Variants in CDH24 observed in about 807,000 individuals in gnomAD.
CDH24 encodes the protein cadherin-24.
CDH24 carries 61 observed loss-of-function variants against 71.2 expected under a neutral mutation model. The ratio of observed to expected loss-of-function variants is 0.86; its 90% CI spans 0.70 to 1.06. The LOEUF (loss-of-function observed/expected upper bound fraction) is 1.06. CDH24 is among the 50% of genes least tolerant of loss of function. The pLI is 0.00. For missense variants in CDH24, 961 were observed against 1,083.7 expected, an observed-to-expected ratio of 0.89 and a Z score of 1.59; for synonymous variants, 440 against 470.2, an observed-to-expected ratio of 0.94 and a Z score of 0.83.
Position 23,048,387 on chromosome 14 carries a change from A to G in CDH24, c.1939T>C (p.Tyr647His), listed in dbSNP as rs1288098979. 6.2e-7 allele frequency: 1 copy of G among 1,612,472 alleles called. No individual in the cohort carries two copies. The highest frequency in any genetic ancestry group is 1.1e-5 in the South Asian group (1 of 91,076). Reference protein sequence around the residue: ...EEDVRENIITYDDEGGGEEDT... With the variant: ...EEDVRENIITHDDEGGGEEDT... The stretch of plus-strand genomic sequence containing the variant: ...TCCTCGCCGCCGCCCTCGTCGTCGT[A>G]GGTGATGATGTTCTCTCGGACGTCC... The change falls in exon 12 of 13, where the codon TAC becomes CAC. Residue 647 changes from tyrosine (Y) to histidine (H), a missense_variant. Tyr to His is a moderately conservative substitution (Grantham distance 83). Coordinates refer to ENST00000487137, the MANE Select transcript of CDH24 (RefSeq NM_144985.4).
chr14:23,049,191 C>A lies in CDH24; in HGVS notation c.1682G>T (p.Trp561Leu). ...PYLVPIELWDWGQPALSSTAT... is the reference protein window; with the variant it reads ...PYLVPIELWDLGQPALSSTAT... ...AGTGCTGCTCAGCGCCGGCTGCCCC[C>A]AGTCCCACAGTTCTATGGGAACCAA... The change falls in exon 11 of 13, where the codon TGG (tryptophan) becomes TTG (leucine). Residue 561 changes from tryptophan (W) to leucine (L), a missense_variant. Around this residue, in one of 2 missense-constraint regions of CDH24, gnomAD observed 671 missense variants for 810.9 expected, o/e 0.83. Transcript: ENST00000487137. 1 of 1,575,408 alleles carries A rather than the reference C, an allele frequency of 6.3e-7. No homozygotes were observed. The highest frequency in any genetic ancestry group is 1.3e-5 in the African/African-American group (1 of 74,274).
At position 23,053,525 on chromosome 14, in the gene CDH24, A is replaced by G. The variant is rs1271460174; in HGVS notation, c.1197T>C (p.Ala399=). Residue 399 remains alanine, a synonymous_variant, in exon 7 of 13, where the codon GCT becomes GCC. Transcript: ENST00000487137. ...PGTLVGQISA[A]DLDSPASPIR... ...TTGGGCTGGCAGGGGAGTCCAGGTC[A>G]GCCGCGGAGATCTGGCCTACCAGGG... The G allele has an allele frequency of 6.3e-7, 1 of 1,590,884 alleles. No individual in the cohort carries two copies. Among genetic ancestry groups the G allele is most frequent in the South Asian group, 1.1e-5 (1 of 89,874 alleles).
rs1188355003 is a variant in CDH24 at position 23,051,019 on chromosome 14, C to T, written c.1364-1076G>A. ...AGGATTTGGCAGGAGAATGAGAAGA[C>T]AGTGACTAGAAACGCACACACACAC... On this transcript the variant is annotated intron_variant, in intron 8 of 12. Transcript: ENST00000487137. This position sits in a 1 kb window ranked among gnomAD's most constrained non-coding sequence, Gnocchi z 4.4. 2.6e-5 allele frequency among the ~76,000 whole-genome samples: 4 copies of T among 151,688 alleles called. No individual in the cohort carries two copies. The highest frequency in any genetic ancestry group is 5.9e-5 in the Non-Finnish European group (4 of 67,986).
At position 23,055,081 on chromosome 14, in the gene CDH24, G is replaced by A. The variant is rs779938459; in HGVS notation, c.474C>T (p.Thr158=). The A allele has an allele frequency of 1.4e-5, 23 of 1,612,058 alleles. No homozygotes were observed. Among genetic ancestry groups the A allele is most frequent in the Admixed American group, 3.3e-5 (2 of 59,978 alleles). Residue 158 remains threonine (T), a synonymous_variant, in exon 3 of 13, where the codon ACC becomes ACT. Transcript: ENST00000487137. This position sits in a 1 kb window ranked among gnomAD's most constrained non-coding sequence, Gnocchi z 4.1. ...CACCGACATTGGACATCTCGGGCAC[G>A]GTGGCATGGTAGGGCCCAAGGGGAA... The part of the protein sequence containing the change: ...PIFPLGPYHA[T]VPEMSNVGTS...
At position 23,051,904 on chromosome 14, in the gene CDH24, A is replaced by T; in HGVS notation, c.1363+569T>A. 1.1e-6 allele frequency: 1 copy of T among 922,356 alleles called. No individual in the cohort carries two copies. Among genetic ancestry groups the T allele is most frequent in the Non-Finnish European group, 1.6e-6 (1 of 609,044 alleles). The allele number at this position is 922,356 out of a possible 1,614,324, so 57.1% of individuals were successfully genotyped here. A position where few individuals can be genotyped will look rare whatever the true frequency, so the allele number is the denominator to read the frequency against. On this transcript the variant is annotated intron_variant, in intron 8 of 12. Coordinates refer to ENST00000487137, the MANE Select transcript of CDH24 (RefSeq NM_144985.4). This position sits in a 1 kb window ranked among gnomAD's most constrained non-coding sequence, Gnocchi z 4.4. ...GGCAGCTGAACCCGCTGCTGGCCTG[A>T]CTGATGGGGGAGACCGCATATGGAG...
At position 23,049,714 on chromosome 14, in the gene CDH24, C is replaced by T. The variant is rs1454178419; in HGVS notation, c.1510G>A (p.Asp504Asn). ...GQLIQVIRAL[D>N]RDEVGNSSHV... ...CTACTGTTGCCAACTTCATCTCTGT[C>T]CAGGGCCCGGATGACCTGAATCAGC... Residue 504 changes from aspartate to asparagine, a missense_variant, in exon 10 of 13, where the codon GAC becomes AAC. By Grantham distance (23) the Asp-to-Asn change is conservative. Transcript: ENST00000487137. 1 of 1,612,242 alleles carries T rather than the reference C, an allele frequency of 6.2e-7. No individual in the cohort carries two copies.
intron 7 of CDH24, 147 bp from the exon 8 acceptor site, chr14:23,052,756 A>C: frequency 1.3e-6 from 1 of 756,342 alleles, no homozygotes; most frequent in Non-Finnish European, 2.2e-6. Flanking sequence ...GTCCCCTTAA[A>C]AGGCATATAT....
chr14:23,049,296 T>C (rs1408279282), intron 10 of CDH24, 21 bp from the exon 11 acceptor site: 1 of 1,557,016 alleles, frequency 6.4e-7, no homozygotes, highest in East Asian at 2.3e-5. Context: ...GGGAAGGTGT[T>C]GAGGTATCTT....
chr14:23,049,180 C>T lies in CDH24; in HGVS notation c.1693G>A (p.Ala565Thr). The T allele has an allele frequency of 1.3e-6, 2 of 1,577,326 alleles. No individual in the cohort carries two copies. Among genetic ancestry groups the T allele is most frequent in the South Asian group, 1.1e-5 (1 of 87,162 alleles). ...PIELWDWGQPALSSTATVTVS... is the reference protein window; with the variant it reads ...PIELWDWGQPTLSSTATVTVS... ...GTCACTGTGGCAGTGCTGCTCAGCG[C>T]CGGCTGCCCCCAGTCCCACAGTTCT... Residue 565 changes from alanine (A) to threonine (T), a missense_variant, in exon 11 of 13, where the codon GCG becomes ACG. Around this residue, in one of 2 missense-constraint regions of CDH24, gnomAD observed 671 missense variants for 810.9 expected, o/e 0.83. Coordinates refer to ENST00000487137, the MANE Select transcript of CDH24 (RefSeq NM_144985.4).
chr14:23,055,436 AG>A lies in CDH24; in HGVS notation c.202-84del. 1.9e-6 allele frequency: 3 copies of A among 1,584,266 alleles called. No individual in the cohort carries two copies. In the South Asian group the frequency reaches 3.4e-5, roughly 18 times the overall value. ...GTCTAGGTTTGGGTAGAGCGTTGGGAGTCCTGAGGGACCAAGGTCATTGCAG... is the reference window on the plus strand; with the variant it reads ...GTCTAGGTTTGGGTAGAGCGTTGGGATCCTGAGGGACCAAGGTCATTGCAG... On this transcript the variant is annotated intron_variant, in intron 2 of 12. Transcript: ENST00000487137. This position sits in a 1 kb window ranked among gnomAD's most constrained non-coding sequence, Gnocchi z 4.1.
rs2047142199 is a variant in CDH24, at chr14:23,057,135, G to A, written c.-125+268C>T. Among the ~76,000 whole-genome samples, 1 of 151,960 alleles carries A rather than the reference G, an allele frequency of 6.6e-6. No individual in the cohort carries two copies. The highest frequency in any genetic ancestry group is 3.4e-3 in the Middle Eastern group (1 of 294). ...CAAAGAGGGAGAGGAGATGGAAAAA[G>A]GACAAGAGGGAGAGGGAAGGGTTGG... On this transcript the variant is annotated intron_variant, in intron 1 of 12. Coordinates refer to ENST00000487137, the MANE Select transcript of CDH24 (RefSeq NM_144985.4). The surrounding 1 kb of genome is among the most constrained non-coding windows in gnomAD (Gnocchi z 5.4).
rs763699965 is a variant in CDH24, at chr14:23,049,622, C to T, written c.1597+5G>A. On this transcript the variant is annotated splice_donor_5th_base_variant and intron_variant, in intron 10 of 12. Transcript: ENST00000487137. ...GTATGGACATGGCTGTAGGAGGCCA[C>T]CTACCTCGGTTGTCCTGGACAGTAA... The T allele has an allele frequency of 1.1e-5, 16 of 1,515,192 alleles. No individual in the cohort carries two copies. The highest frequency in any genetic ancestry group is 1.9e-5 in the Admixed American group (1 of 51,750). The allele number at this position is 1,515,192 out of a possible 1,614,324, so 93.9% of individuals were successfully genotyped here.
intron 9 of CDH24, 36 bp from the exon 10 acceptor site, chr14:23,049,774 G>T: frequency 1.2e-6 from 2 of 1,612,526 alleles, no homozygotes; most frequent in Non-Finnish European, 1.7e-6. Flanking sequence ...GTATGGAGTG[G>T]GCTGCTGGAG....
Position 23,055,743 on chromosome 14 carries a change from C to T in CDH24, c.-10G>A, listed in dbSNP as rs1213027806. On this transcript the variant is annotated 5_prime_UTR_variant, in exon 2 of 13. Transcript: ENST00000487137. This position sits in a 1 kb window ranked among gnomAD's most constrained non-coding sequence, Gnocchi z 4.1. Reference sequence around the variant, plus strand: ...TCACCAGGCCCCACATGTTTGGACTCCAGCCAGGGCTCTGTTCACTGGCCC... The same window carrying T: ...TCACCAGGCCCCACATGTTTGGACTTCAGCCAGGGCTCTGTTCACTGGCCC... 6.4e-7 allele frequency: 1 copy of T among 1,559,766 alleles called. No individual in the cohort carries two copies. Among genetic ancestry groups the T allele is most frequent in the Non-Finnish European group, 8.6e-7 (1 of 1,159,616 alleles).
rs1425114375 is a variant in CDH24, at chr14:23,055,996, C to A, written c.-124-139G>T. 1 of 450,518 alleles carries A rather than the reference C, an allele frequency of 2.2e-6. No individual in the cohort carries two copies. The highest frequency in any genetic ancestry group is 3.6e-5 in the Admixed American group (1 of 27,626). The allele number at this position is 450,518 out of a possible 1,614,324, so 27.9% of individuals were successfully genotyped here. ...CAGACTAAGACAGAGAGCAGAGAGG[C>A]TGATCCTTCCTCCACCCAGGCTCTG... On this transcript the variant is annotated intron_variant, in intron 1 of 12. Coordinates refer to ENST00000487137, the MANE Select transcript of CDH24 (RefSeq NM_144985.4). This position sits in a 1 kb window ranked among gnomAD's most constrained non-coding sequence, Gnocchi z 4.1.
At position 23,048,293 on chromosome 14, in the gene CDH24, G is replaced by A. The variant is rs765984044; in HGVS notation, c.2033C>T (p.Pro678Leu). ...PDGAAPPAPG[P>L]PARRDVLPRA... is the part of the protein sequence containing the mutation. ...GGGCAACACGTCTCGGCGCGCGGGA[G>A]GGCCGGGCGCCGGGGGGGCCGCCCC... Residue 678 changes from proline (P) to leucine (L), a missense_variant, in exon 12 of 13, where the codon CCT becomes CTT. Physicochemically the swap from Pro to Leu is moderately conservative, Grantham distance 98. Coordinates refer to ENST00000487137, the MANE Select transcript of CDH24 (RefSeq NM_144985.4). 35 of 1,592,304 alleles carry A rather than the reference G, an allele frequency of 2.2e-5. No homozygotes were observed. The highest frequency in any genetic ancestry group is 2.9e-5 in the Non-Finnish European group (34 of 1,172,266).
Position 23,053,855 on chromosome 14 carries a change from G to A in CDH24, c.973-106C>T, listed in dbSNP as rs1024879627. ...CCTCCTCACATGCATGCAGTGCTCAGTCCTCATGTGAGGAGAGGTGGCACT... is the reference window on the plus strand; with the variant it reads ...CCTCCTCACATGCATGCAGTGCTCAATCCTCATGTGAGGAGAGGTGGCACT... On this transcript the variant is annotated intron_variant, in intron 6 of 12. Transcript: ENST00000487137. 2.6e-6 allele frequency: 3 copies of A among 1,158,578 alleles called. No homozygotes were observed. The African/African-American group carries it at 4.6e-5, about 18-fold the overall frequency. 71.8% of individuals were successfully genotyped at this position (1,158,578 alleles called of 1,614,324 possible).
chr14:23,055,757 G>C lies in CDH24; in HGVS notation c.-24C>G, dbSNP rs563216073. 1.2e-5 allele frequency: 19 copies of C among 1,534,272 alleles called. No individual in the cohort carries two copies. Among genetic ancestry groups the C allele is most frequent in the Non-Finnish European group, 1.5e-5 (17 of 1,146,480 alleles). The stretch of plus-strand genomic sequence containing the variant: ...ATGTTTGGACTCCAGCCAGGGCTCT[G>C]TTCACTGGCCCTGGGTGCTGAGGCT... On this transcript the variant is annotated 5_prime_UTR_variant, in exon 2 of 13. Coordinates refer to ENST00000487137, the MANE Select transcript of CDH24 (RefSeq NM_144985.4). This position sits in a 1 kb window ranked among gnomAD's most constrained non-coding sequence, Gnocchi z 4.1.
chr14:23,056,973 ATGAGGAGGC>A (rs2139956127), intron 1 of CDH24, among the ~76,000 whole-genome samples: 1 of 93,348 alleles, frequency 1.1e-5, no homozygotes, highest in South Asian at 4.7e-4. Context: ...AGAAGGCGGG[ATGAGGAGGC>A]GAGAAGGAAG....
Sources: gnomAD v4.1 joint callset for allele counts (sites outside exome capture counted in the v4.1 genomes callset) on GRCh38, gnomAD v4.1.1 for gene constraint, gnomAD v4.1.1 regional missense constraint, Gnocchi (gnomAD v3.1) non-coding constraint, MANE v1.5 for transcripts, NCBI Gene and HGNC (gene_info 2026-07-23, HGNC 2026-07-21) for gene names.